The following SH3TC1 variants were observed in gnomAD, a reference collection of about 807,000 sequenced individuals.
SH3TC1 encodes SH3 domain and tetratricopeptide repeats 1.
SH3TC1 carries 135 observed loss-of-function variants against 117.3 expected under a neutral mutation model. That is an observed-to-expected ratio of 1.15 (90% confidence interval 1.00 to 1.33). The LOEUF (loss-of-function observed/expected upper bound fraction) is 1.33, where lower values mean the gene tolerates loss of function less well. Among genes scored for constraint, SH3TC1 ranks in the 40% most tolerant of loss-of-function variants. The probability of loss-of-function intolerance (pLI) is 0.00; values close to 1 mark genes in which losing one functional copy is unlikely to be tolerated. For synonymous variants in SH3TC1, 898 were observed against 816.9 expected (o/e 1.10, Z -1.69); for missense variants, 2,092 against 1,794.3 (o/e 1.17, Z -3.00).
chr4:8,187,689 T>C (rs1717270744), intron 1 of SH3TC1, among the ~76,000 whole-genome samples: 1 of 151,936 alleles, frequency 6.6e-6, no homozygotes, highest in Non-Finnish European at 1.5e-5. Context: ...GTAGCTGGGA[T>C]TACAGGCACG....
chr4:8,230,250 T>A (rs1344482321), intron 12 of SH3TC1, among the ~76,000 whole-genome samples: 1 of 152,240 alleles, frequency 6.6e-6, no homozygotes, highest in African/African-American at 2.4e-5. Context: ...AGGTCAGCAA[T>A]AATGTTCCCT....
chr4:8,215,108 G>A (rs1373147574), intron 5 of SH3TC1: 1 of 452,706 alleles, frequency 2.2e-6, no homozygotes, highest in Admixed American at 2.4e-5. Flanking sequence ...TTTGTTGCAG[G>A]AATGATTTAG....
In SH3TC1 at chr4:8,232,185, C is replaced by T. The variant is rs201503880; in HGVS notation, c.3131+29C>T. 339 of 312,634 alleles carry T rather than the reference C, an allele frequency of 1.1e-3. 2 individuals are homozygous for T. The East Asian group carries it at 0.02, about 19-fold the overall frequency. The allele number at this position is 312,634 out of a possible 1,614,324, so 19.4% of individuals were successfully genotyped here. On this transcript the variant is annotated intron_variant, in intron 13 of 17. Transcript: ENST00000245105. ...AGGGCTGGCTCTGTGGTGGTGGGGG[C>T]GGGGGGAGGGGGCAAAGGGGGCGGC...
chr4:8,215,886 G>A (rs967140071), intron 5 of SH3TC1, among the ~76,000 whole-genome samples: 6 of 152,222 alleles, frequency 3.9e-5, no homozygotes, highest in East Asian at 3.9e-4. Context: ...CACGGTTGCC[G>A]CTGGTGGGTG....
chr4:8,211,642 G>A (rs1006115463), intron 3 of SH3TC1, among the ~76,000 whole-genome samples: 7 of 151,144 alleles, frequency 4.6e-5, no homozygotes, highest in Non-Finnish European at 8.8e-5. Context: ...TCTTGACCTG[G>A]AGGATTGGGA....
At chr4:8,208,589 G>A (rs1718396089) in intron 2 of SH3TC1, among the ~76,000 whole-genome samples, 1 of 152,076 alleles carries the variant, frequency 6.6e-6, no homozygotes, top group Non-Finnish European at 1.5e-5. Flanking sequence ...CTAACCTCAG[G>A]TGATCCACCT....
intron 1 of SH3TC1, among the ~76,000 whole-genome samples, chr4:8,193,602 C>T (rs1313721276): frequency 6.6e-6 from 1 of 152,210 alleles, no homozygotes; most frequent in Non-Finnish European, 1.5e-5. Context: ...TCATGCTTTG[C>T]CATCCTGATC....
In SH3TC1 at chr4:8,240,970, G is replaced by C. The variant is rs1477471389; in HGVS notation, c.*15G>C. 1.2e-6 allele frequency: 2 copies of C among 1,604,958 alleles called. No homozygotes were observed. Among genetic ancestry groups the C allele is most frequent in the South Asian group, 1.1e-5 (1 of 91,064 alleles). On this transcript the variant is annotated 3_prime_UTR_variant, in exon 18 of 18. Transcript: ENST00000245105. ...ACCCTCGCTGAGGACAGCATCCAAG[G>C]GAGTGGGTTTTGTGCAAGGGCTGGG... is the stretch of plus-strand genomic sequence containing the variant.
Position 8,190,599 on chromosome 4 carries a change from C to T in SH3TC1, c.-57+8389C>T, listed in dbSNP as rs73077962. Among the ~76,000 whole-genome samples the T allele has an allele frequency of 2.2e-3, 339 of 152,222 alleles. 3 individuals carry two copies. Among genetic ancestry groups the T allele is most frequent in the African/African-American group, 7.7e-3 (319 of 41,544 alleles). On this transcript the variant is annotated intron_variant, in intron 1 of 16. Transcript: ENST00000508641. The surrounding 1 kb of genome is among the most constrained non-coding windows in gnomAD (Gnocchi z 4.7). ...TCTCGGTCACCCACACCCCACCAGC[C>T]GGCTGGTCCACAGGGTGTTTCTGAG...
At chr4:8,195,543 G>A (rs548510723), upstream of SH3TC1, among the ~76,000 whole-genome samples, 356 of 152,306 alleles carry the variant, frequency 2.3e-3, 1 homozygote, top group African/African-American at 7.6e-3. Context: ...CCCGGCCTTG[G>A]GCCAGAAGTA....
At chr4:8,199,756 G>A (rs1209495489) in intron 1 of SH3TC1, among the ~76,000 whole-genome samples, 1 of 152,226 alleles carries the variant, frequency 6.6e-6, no homozygotes, top group East Asian at 1.9e-4. Context: ...TGGATTCCAA[G>A]TCCAGCGGAT....
chr4:8,208,368 T>TC (rs750950711), intron 2 of SH3TC1, among the ~76,000 whole-genome samples: 3 of 48,520 alleles, frequency 6.2e-5, no homozygotes, highest in Non-Finnish European at 2.0e-4. Context: ...AACATTTCTT[T>TC]CTTTTTTTTT....
chr4:8,223,094 G>C, intron 10 of SH3TC1, 124 bp downstream of exon 10: 1 of 1,337,904 alleles, frequency 7.5e-7, no homozygotes, highest in Non-Finnish European at 1.0e-6. Flanking sequence ...ACAGACAGAG[G>C]CTGCCGCTGC....
Position 8,240,880 on chromosome 4 carries a change from C to A in SH3TC1, c.3936C>A (p.Asn1312Lys), listed in dbSNP as rs778116596. The change falls in exon 18 of 18, where the codon AAC becomes AAA. Residue 1312 changes from asparagine to lysine, a missense_variant. Physicochemically the swap from Asn to Lys is moderately conservative, Grantham distance 94. Coordinates refer to ENST00000245105, the MANE Select transcript of SH3TC1 (RefSeq NM_018986.5). ...CCAGGACCTTCGCCACAGAGCTCAA[C>A]GTCCGCAGGGTCAACCTGCCTCCTC... ...QKARTFATEL[N>K]VRRVNLPPLP... 1.9e-6 allele frequency: 3 copies of A among 1,613,504 alleles called. No individual in the cohort carries two copies. Among genetic ancestry groups the A allele is most frequent in the Non-Finnish European group, 2.5e-6 (3 of 1,180,018 alleles).
intron 12 of SH3TC1, among the ~76,000 whole-genome samples, chr4:8,228,941 C>A (rs1720858153): frequency 6.6e-6 from 1 of 152,184 alleles, no homozygotes; most frequent in African/African-American, 2.4e-5. Flanking sequence ...CGGTGGGTCA[C>A]CCTAGACATA....
chr4:8,186,698 C>G lies in SH3TC1; in HGVS notation c.-57+4488C>G, dbSNP rs1271080120. ...GTGGCTCACGCCTGTAATCCCAGCA[C>G]TTTGGGAGATGGAGGTGGGTAGATC... On this transcript the variant is annotated intron_variant, in intron 1 of 16. Transcript: ENST00000508641. The surrounding 1 kb of genome is among the most constrained non-coding windows in gnomAD (Gnocchi z 5.2). Among the ~76,000 whole-genome samples, 1 of 152,146 alleles carries G rather than the reference C, an allele frequency of 6.6e-6. No individual in the cohort carries two copies. The highest frequency in any genetic ancestry group is 2.4e-5 in the African/African-American group (1 of 41,434).
intron 16 of SH3TC1, 158 bp downstream of exon 16, chr4:8,236,586 C>T: frequency 9.8e-7 from 1 of 1,018,616 alleles, no homozygotes; most frequent in Non-Finnish European, 1.4e-6. Context: ...GGCCGTGGGG[C>T]ACAGCCCGAG....
chr4:8,233,643 C>A, intron 14 of SH3TC1, 130 bp downstream of exon 14: 1 of 1,150,962 alleles, frequency 8.7e-7, no homozygotes, highest in Non-Finnish European at 1.2e-6. Context: ...TCCTTCCATC[C>A]ATCCATCCTT....
At chr4:8,236,533 TC>T in intron 16 of SH3TC1, 105 bp downstream of exon 16, 1 of 1,379,324 alleles carries the variant, frequency 7.2e-7, no homozygotes, top group Non-Finnish European at 9.5e-7. Flanking sequence ...TTTCCTGGTC[TC>T]CTGTCCAGGC....
Sources: allele counts gnomAD v4.1 joint callset (sites outside exome capture counted in the v4.1 genomes callset), GRCh38; gene constraint gnomAD v4.1.1; non-coding constraint Gnocchi (gnomAD v3.1); transcripts MANE v1.5; gene names NCBI Gene and HGNC (gene_info 2026-07-23, HGNC 2026-07-21).